CTSH: variants seen among roughly 807,000 people sequenced by gnomAD.
CTSH encodes pro-cathepsin H.
CTSH carries 52 observed loss-of-function variants against 56.3 expected under a neutral mutation model. The ratio of observed to expected loss-of-function variants is 0.92; its 90% CI spans 0.74 to 1.16. The LOEUF is 1.16. CTSH is among the 50% of genes most tolerant of loss of function. The probability of loss-of-function intolerance (pLI) is 0.00; values close to 1 mark genes in which losing one functional copy is unlikely to be tolerated. For missense variants in CTSH, 406 were observed against 424.5 expected (o/e 0.96, Z 0.38); for synonymous variants, 174 against 155.7 (o/e 1.12, Z -0.88).
intron 7 of CTSH, 47 bp downstream of exon 7, chr15:78,931,404 C>A: frequency 6.2e-7 from 1 of 1,612,644 alleles, no homozygotes; most frequent in South Asian, 1.1e-5. Flanking sequence ...TCGAAGCGGT[C>A]AGTGGGAAAT....
intron 1 of CTSH, among the ~76,000 whole-genome samples, chr15:78,943,645 G>A (rs935828111): frequency 2.0e-5 from 3 of 152,170 alleles, no homozygotes; most frequent in African/African-American, 7.2e-5. Context: ...AAATTTCAGT[G>A]GCCATAAAAA....
chr15:78,927,556 A>G, intron 9 of CTSH, 157 bp downstream of exon 9: 2 of 647,794 alleles, frequency 3.1e-6, no homozygotes, highest in South Asian at 3.9e-5. Context: ...CTGCCTCGCC[A>G]CCATCACAGC....
At chr15:78,935,539 G>A (rs2055157025) in intron 4 of CTSH, 141 bp downstream of exon 4, 1 of 661,806 alleles carries the variant, frequency 1.5e-6, no homozygotes, top group African/African-American at 1.8e-5. Flanking sequence ...TGACTCTTCT[G>A]GTTCCCCCAA....
intron 1 of CTSH, chr15:78,944,653 T>A: frequency 1.6e-6 from 1 of 631,836 alleles, no homozygotes; most frequent in South Asian, 3.7e-5. Flanking sequence ...CCTGGCTAGG[T>A]GGGACCCTGG....
chr15:78,927,494 G>A lies in CTSH; in HGVS notation c.699+219C>T, dbSNP rs558145409. Reference sequence around the variant, plus strand: ...AAGAATGAAGGCATGTGTGGATCTGGAGTTCAGAACCAGAGGGCCTGCCTG... The same window carrying A: ...AAGAATGAAGGCATGTGTGGATCTGAAGTTCAGAACCAGAGGGCCTGCCTG... On this transcript the variant is annotated intron_variant, in intron 9 of 11. Transcript: ENST00000220166. The A allele has an allele frequency of 2.9e-5, 17 of 580,168 alleles. 1 individual carries two copies. Among genetic ancestry groups the A allele is most frequent in the African/African-American group, 1.5e-4 (8 of 53,568 alleles). 35.9% of individuals were successfully genotyped at this position (580,168 alleles called of 1,614,324 possible). A position where few individuals can be genotyped will look rare whatever the true frequency, so the allele number is the denominator to read the frequency against.
chr15:78,929,427 G>A lies in CTSH; in HGVS notation c.615C>T (p.Tyr205=). Residue 205 remains tyrosine, a synonymous_variant, in exon 8 of 12, where the codon TAC becomes TAT. Transcript: ENST00000220166. ...TTGGAGTTACCTTGCCCTGGTAGGG[G>A]TAGGTGTCTTCACCCATGATCCCCT... ...YNKGIMGEDT[Y]PYQGKDGYCK... 2 of 1,612,484 alleles carry A rather than the reference G, an allele frequency of 1.2e-6. No individual in the cohort carries two copies. The highest frequency in any genetic ancestry group is 1.7e-6 in the Non-Finnish European group (2 of 1,179,050).
rs1259981332 is a variant in CTSH, at chr15:78,930,540, AT to A, written c.548+910del. 2.2e-3 allele frequency among the ~76,000 whole-genome samples: 123 copies of A among 56,628 alleles called. 2 individuals carry two copies. Among genetic ancestry groups the A allele is most frequent in the African/African-American group, 0.011 (110 of 9,814 alleles). 37.2% of individuals were successfully genotyped at this position (56,628 alleles called of 152,430 possible). ...AGACTCCATCTCAAAAAAAGAAAAA[AT>A]AAATAAATAAATAAATAAATAAATA... On this transcript the variant is annotated intron_variant, in intron 7 of 11. Transcript: ENST00000220166.
intron 3 of CTSH, among the ~76,000 whole-genome samples, chr15:78,936,097 G>A (rs2055168437): frequency 6.6e-6 from 1 of 151,992 alleles, no homozygotes; most frequent in South Asian, 2.1e-4. Flanking sequence ...CTGGTGCCAG[G>A]GGCCTTCCCA....
intron 7 of CTSH, among the ~76,000 whole-genome samples, chr15:78,930,625 G>A (rs1366980768): frequency 6.6e-6 from 1 of 152,214 alleles, no homozygotes; most frequent in Admixed American, 6.5e-5. Context: ...CTTGTTATGG[G>A]TTGGGTTTCT....
At chr15:78,931,390 C>G in intron 7 of CTSH, 61 bp downstream of exon 7, 1 of 1,604,082 alleles carries the variant, frequency 6.2e-7, no homozygotes, top group Non-Finnish European at 8.5e-7. Context: ...CACACTGGAT[C>G]CTGTCGAAGC....
In CTSH at chr15:78,927,764, G is replaced by T. The variant is rs1160357390; in HGVS notation, c.648C>A (p.Phe216Leu). Residue 216 changes from phenylalanine (F) to leucine (L), a missense_variant, in exon 9 of 12, where the codon TTC becomes TTA. Physicochemically the swap from Phe to Leu is conservative, Grantham distance 22. Transcript: ENST00000220166. Reference protein sequence around the residue: ...PYQGKDGYCKFQPGKAIGFVK... With the variant: ...PYQGKDGYCKLQPGKAIGFVK... ...CAAAGCCGATGGCCTTTCCAGGTTGGAACTTGCAATAACCATCCTGTTGAG... is the reference window on the plus strand; with the variant it reads ...CAAAGCCGATGGCCTTTCCAGGTTGTAACTTGCAATAACCATCCTGTTGAG... 6.2e-7 allele frequency: 1 copy of T among 1,614,176 alleles called. No homozygotes were observed. Among genetic ancestry groups the T allele is most frequent in the East Asian group, 2.2e-5 (1 of 44,876 alleles).
chr15:78,925,266 G>C (rs911124601), intron 10 of CTSH, 68 bp downstream of exon 10: 2 of 988,870 alleles, frequency 2.0e-6, no homozygotes, highest in South Asian at 1.3e-5. Flanking sequence ...AGTCCCACGA[G>C]TGGGGTGTGA....
chr15:78,925,445 G>A lies in CTSH; in HGVS notation c.700-5C>T. On this transcript the variant is annotated splice_polypyrimidine_tract_variant and splice_region_variant and intron_variant, in intron 9 of 11. Coordinates refer to ENST00000220166, the MANE Select transcript of CTSH (RefSeq NM_004390.5). ...CACCATCGCTTCCTCGTCATACTGT[G>A]GAAACAGGACCGAGACAGAAACACA... The A allele has an allele frequency of 1.2e-6, 2 of 1,601,476 alleles. No homozygotes were observed. The highest frequency in any genetic ancestry group is 1.7e-6 in the Non-Finnish European group (2 of 1,168,670).
At chr15:78,936,464 C>A (rs2055179617) in intron 3 of CTSH, among the ~76,000 whole-genome samples, 1 of 152,056 alleles carries the variant, frequency 6.6e-6, no homozygotes, top group Non-Finnish European at 1.5e-5. Context: ...CTCATTTCCT[C>A]TTTACTGCCC....
Position 78,927,778 on chromosome 15 carries a change from C to T in CTSH, c.634G>A (p.Gly212Ser). The T allele has an allele frequency of 1.9e-6, 3 of 1,614,134 alleles. No individual in the cohort carries two copies. Among genetic ancestry groups the T allele is most frequent in the African/African-American group, 1.3e-5 (1 of 75,058 alleles). ...TTTCCAGGTTGGAACTTGCAATAAC[C>T]ATCCTGTTGAGGATGCAAAGGGCAT... Reference protein sequence around the residue: ...EDTYPYQGKDGYCKFQPGKAI... With the variant: ...EDTYPYQGKDSYCKFQPGKAI... The change falls in exon 9 of 12, where the codon GGT becomes AGT. Residue 212 changes from glycine to serine, a missense_variant. Physicochemically the swap from Gly to Ser is moderately conservative, Grantham distance 56. Coordinates refer to ENST00000220166, the MANE Select transcript of CTSH (RefSeq NM_004390.5).
chr15:78,931,425 T>G, intron 7 of CTSH, 26 bp downstream of exon 7: 1 of 1,614,148 alleles, frequency 6.2e-7, no homozygotes, highest in Non-Finnish European at 8.5e-7. Context: ...GAGGAAGTTT[T>G]GGGCCCCTTC....
intron 5 of CTSH, chr15:78,933,561 G>C (rs746469865): frequency 2.1e-4 from 96 of 455,014 alleles, no homozygotes; most frequent in Non-Finnish European, 3.8e-4. Flanking sequence ...TCTCAGCTGG[G>C]GGAGGGAGGG....
intron 4 of CTSH, 143 bp from the exon 5 acceptor site, chr15:78,935,225 C>T (rs2055151153): frequency 1.6e-6 from 1 of 633,506 alleles, no homozygotes; most frequent in African/African-American, 1.8e-5. Context: ...CCTCTCCTGT[C>T]TACTGGTCCC....
In CTSH at chr15:78,923,039, A is replaced by G. The variant is rs759937369; in HGVS notation, c.886T>C (p.Tyr296His). 6.2e-6 allele frequency: 10 copies of G among 1,613,430 alleles called. No individual in the cohort carries two copies. In the East Asian group the frequency reaches 1.3e-4, roughly 22 times the overall value. Residue 296 changes from tyrosine to histidine, a missense_variant, in exon 11 of 12, where the codon TAC becomes CAC. By Grantham distance (83) the Tyr-to-His change is moderately conservative (BLOSUM62 2). Coordinates refer to ENST00000220166, the MANE Select transcript of CTSH (RefSeq NM_004390.5). The stretch of plus-strand genomic sequence containing the variant: ...CCCCAAGAGTTTTTCACGATCCAGT[A>G]AGGGATCCCATTTTTTTCTCCATAC... ...VGYGEKNGIP[Y>H]WIVKNSWGPQ...
Sources: gnomAD v4.1 joint callset for allele counts (sites outside exome capture counted in the v4.1 genomes callset) on GRCh38, gnomAD v4.1.1 for gene constraint, MANE v1.5 for transcripts, NCBI Gene and HGNC (gene_info 2026-07-23, HGNC 2026-07-21) for gene names.